TAF4: variants seen among roughly 807,000 people sequenced by gnomAD.
TAF4 encodes transcription initiation factor TFIID subunit 4.
A neutral mutation model predicts 90.3 loss-of-function variants in TAF4; 9 were observed. That is an observed-to-expected ratio of 0.10 (90% CI 0.06 to 0.17). The LOEUF (loss-of-function observed/expected upper bound fraction) is 0.17. Among genes scored for constraint, TAF4 ranks in the 10% least tolerant of loss-of-function variants. The probability of loss-of-function intolerance (pLI) is 1.00; values close to 1 mark genes in which losing one functional copy is unlikely to be tolerated. For synonymous variants in TAF4, 818 were observed against 638.9 expected, an observed-to-expected ratio of 1.28 and a Z score of -4.23; for missense variants, 1,351 against 1,370.7, an observed-to-expected ratio of 0.99 and a Z score of 0.23.
intron 1 of TAF4, among the ~76,000 whole-genome samples, chr20:62,019,420 T>C (rs187524848): frequency 1.3e-5 from 2 of 152,384 alleles, no homozygotes; most frequent in Admixed American, 6.5e-5. Context: ...CCAAATTGTG[T>C]TTATAATTTC....
chr20:62,014,460 C>A, intron 2 of TAF4, 87 bp downstream of exon 2: 1 of 1,449,824 alleles, frequency 6.9e-7, no homozygotes, highest in Non-Finnish European at 9.1e-7. Context: ...CATGGCTGTG[C>A]CTGGCCCTTG....
At chr20:62,037,944 A>AC (rs1048208084) in intron 1 of TAF4, 15 of 188,362 alleles carry the variant, frequency 8.0e-5, no homozygotes, top group Admixed American at 5.7e-4. Flanking sequence ...GGGTCAAGTG[A>AC]CTAATGAACC....
chr20:62,063,787 C>T (rs1331111455), intron 1 of TAF4, among the ~76,000 whole-genome samples: 4 of 152,266 alleles, frequency 2.6e-5, no homozygotes, highest in African/African-American at 9.6e-5. Context: ...CACAGCGTGG[C>T]TCTCAGCAAG....
At chr20:62,044,461 C>T (rs185708498) in intron 1 of TAF4, among the ~76,000 whole-genome samples, 16 of 152,182 alleles carry the variant, frequency 1.1e-4, no homozygotes, top group Non-Finnish European at 1.8e-4. Flanking sequence ...CAAAACATAA[C>T]TAAATTGTGT....
rs570961323 is a variant in TAF4, at chr20:62,048,216, G to T, written c.1360+16235C>A. On this transcript the variant is annotated intron_variant, in intron 1 of 14. Coordinates refer to ENST00000252996, the MANE Select transcript of TAF4 (RefSeq NM_003185.4). ...GCGCGTGCCTGCCCAAGTCCCAGAT[G>T]AGAAAGGGGGCTGCCTCTGGGAGTT... Among the ~76,000 whole-genome samples, 3 of 152,334 alleles carry T rather than the reference G, an allele frequency of 2.0e-5. No homozygotes were observed. In the East Asian group the frequency reaches 5.8e-4, roughly 29 times the overall value.
At position 62,007,604 on chromosome 20, in the gene TAF4, G is replaced by C; in HGVS notation, c.1917C>G (p.Ser639Arg). The C allele has an allele frequency of 6.2e-7, 1 of 1,602,698 alleles. No individual in the cohort carries two copies. The highest frequency in any genetic ancestry group is 8.5e-7 in the Non-Finnish European group (1 of 1,176,204). Residue 639 changes from serine (S) to arginine (R), a missense_variant, in exon 6 of 15, where the codon AGC (serine) becomes AGG (arginine). Transcript: ENST00000252996. ...DGKIEAEDFT[S>R]RLYRELNSSP... is the part of the protein sequence containing the mutation. ...AAGAATTAAGTTCTCGGTATAACCT[G>C]CTTGTGAAATCTTCTGCTTCTATTT...
chr20:62,018,359 C>A (rs2055824378), intron 1 of TAF4, among the ~76,000 whole-genome samples: 1 of 152,220 alleles, frequency 6.6e-6, no homozygotes, highest in African/African-American at 2.4e-5. Context: ...AGTTCTGGGT[C>A]CTGTGAGCTC....
At chr20:62,033,817 T>C (rs989604682) in intron 1 of TAF4, among the ~76,000 whole-genome samples, 9 of 148,880 alleles carry the variant, frequency 6.0e-5, no homozygotes, top group African/African-American at 2.0e-4. Flanking sequence ...CTAAGGCGGG[T>C]GGATCACGAG....
rs1177521780 is a variant in TAF4 at position 62,009,049 on chromosome 20, C to T, written c.1884+3G>A. 1.2e-6 allele frequency: 2 copies of T among 1,610,614 alleles called. No homozygotes were observed. Among genetic ancestry groups the T allele is most frequent in the African/African-American group, 1.3e-5 (1 of 74,848 alleles). ...AAGGGAATGTAAAGTCAAGGTTTCT[C>T]ACCAGTAAATTCTGCACGAGCTCTT... is the stretch of plus-strand genomic sequence containing the variant. On this transcript the variant is annotated splice_donor_region_variant and intron_variant, in intron 5 of 14. Coordinates refer to ENST00000252996, the MANE Select transcript of TAF4 (RefSeq NM_003185.4).
chr20:62,022,077 G>A (rs958526903), intron 1 of TAF4, among the ~76,000 whole-genome samples: 6 of 149,128 alleles, frequency 4.0e-5, no homozygotes, highest in Non-Finnish European at 8.9e-5. Context: ...GGACCCCTGG[G>A]GACACAAATC....
intron 14 of TAF4, among the ~76,000 whole-genome samples, chr20:61,987,794 T>C (rs976780139): frequency 3.3e-5 from 5 of 152,236 alleles, no homozygotes; most frequent in African/African-American, 1.2e-4. Flanking sequence ...GCTTTCTTCA[T>C]AATTGCCAAA....
intron 14 of TAF4, among the ~76,000 whole-genome samples, chr20:61,991,557 C>T (rs2055631513): frequency 6.6e-6 from 1 of 151,944 alleles, no homozygotes; most frequent in Non-Finnish European, 1.5e-5. Flanking sequence ...TGTGATCACA[C>T]CACTGCACTC....
intron 14 of TAF4, among the ~76,000 whole-genome samples, chr20:61,981,978 ACCC>A (rs2055545168): frequency 1.8e-5 from 2 of 114,090 alleles, no homozygotes; most frequent in Non-Finnish European, 1.9e-5. Context: ...TCAAACCCAC[ACCC>A]ACCCGAGAGG....
intron 1 of TAF4, among the ~76,000 whole-genome samples, chr20:62,053,063 A>G (rs1356033176): frequency 6.6e-6 from 1 of 152,038 alleles, no homozygotes; most frequent in Non-Finnish European, 1.5e-5. Context: ...CTCTGGTGGC[A>G]CGCCCACAAC....
chr20:62,057,603 C>T (rs529587783), intron 1 of TAF4, among the ~76,000 whole-genome samples: 57 of 150,604 alleles, frequency 3.8e-4, no homozygotes, highest in African/African-American at 1.1e-3. Flanking sequence ...CACAAAGGGC[C>T]CAGCAAGACC....
chr20:62,040,539 G>A (rs1024943016), intron 1 of TAF4, among the ~76,000 whole-genome samples: 2 of 152,338 alleles, frequency 1.3e-5, no homozygotes, highest in East Asian at 1.9e-4. Context: ...TGGTGGTGAC[G>A]TGACTATCGT....
intron 1 of TAF4, among the ~76,000 whole-genome samples, chr20:62,056,883 C>T (rs1454438484): frequency 6.6e-6 from 1 of 152,150 alleles, no homozygotes; most frequent in African/African-American, 2.4e-5. Flanking sequence ...CATAAAAAAG[C>T]CAATCGAGCC....
At chr20:61,985,631 G>T (rs189246676) in intron 14 of TAF4, among the ~76,000 whole-genome samples, 1 of 151,776 alleles carries the variant, frequency 6.6e-6, no homozygotes, top group African/African-American at 2.4e-5. Context: ...ACTGAACACA[G>T]AAGTACATCT....
intron 1 of TAF4, among the ~76,000 whole-genome samples, chr20:62,062,036 T>C (rs924592347): frequency 6.6e-6 from 1 of 152,142 alleles, no homozygotes; most frequent in Non-Finnish European, 1.5e-5. Context: ...GGCAGGCCCT[T>C]TCACACCCCA....
Sources: allele counts gnomAD v4.1 joint callset (sites outside exome capture counted in the v4.1 genomes callset), GRCh38; gene constraint gnomAD v4.1.1; transcripts MANE v1.5; gene names NCBI Gene and HGNC (gene_info 2026-07-23, HGNC 2026-07-21).